Variants in EHBP1 observed in about 807,000 individuals in gnomAD.
EHBP1 encodes EH domain-binding protein 1.
EHBP1 carries 55 observed loss-of-function variants against 144.0 expected under a neutral mutation model. The observed-to-expected ratio is 0.38, with a 90% CI of 0.31 to 0.48. The LOEUF is 0.48. Ranked by LOEUF, EHBP1 falls within the 20% of genes least tolerant of loss-of-function variation. EHBP1 has a pLI of 0.98. For synonymous variants in EHBP1, 469 were observed against 472.7 expected (o/e 0.99, Z 0.10); for missense variants, 1,200 against 1,364.2 (o/e 0.88, Z 1.90).
At chr2:63,016,467 G>T (rs1301801334) in intron 19 of EHBP1, among the ~76,000 whole-genome samples, 1 of 151,938 alleles carries the variant, frequency 6.6e-6, no homozygotes, top group Non-Finnish European at 1.5e-5. Context: ...TCTCGTTCTT[G>T]TCGCCCAGGC....
At chr2:62,746,391 T>C (rs1486491935) in intron 2 of EHBP1, among the ~76,000 whole-genome samples, 1 of 151,108 alleles carries the variant, frequency 6.6e-6, no homozygotes, top group Admixed American at 6.6e-5. Context: ...TGTGTGTGTA[T>C]ATATATATAT....
chr2:62,915,016 T>TA (rs1307152158), intron 10 of EHBP1, among the ~76,000 whole-genome samples: 1 of 152,048 alleles, frequency 6.6e-6, no homozygotes, highest in Non-Finnish European at 1.5e-5. Context: ...TATTAATATA[T>TA]ATGTAAAATG....
intron 18 of EHBP1, 60 bp from the exon 19 acceptor site, chr2:62,996,583 A>G: frequency 6.2e-7 from 1 of 1,609,248 alleles, no homozygotes; most frequent in Non-Finnish European, 8.5e-7. Flanking sequence ...GTGTTTGTAG[A>G]AAGGAAAAAT....
chr2:62,884,744 A>T (rs776308995), intron 10 of EHBP1, among the ~76,000 whole-genome samples: 15 of 152,214 alleles, frequency 9.9e-5, no homozygotes, highest in Non-Finnish European at 1.8e-4. Context: ...GTAGTACAGG[A>T]CTTACTCATC....
At position 62,747,280 on chromosome 2, in the gene EHBP1, CAGT is replaced by C. The variant is rs200324464; in HGVS notation, c.105-112_105-110del. 7.3e-3 allele frequency: 5,749 copies of C among 788,332 alleles called. 32 individuals are homozygous for C. The highest frequency in any genetic ancestry group is 9.3e-3 in the Non-Finnish European group (4,541 of 487,210). 48.8% of individuals were successfully genotyped at this position (788,332 alleles called of 1,614,324 possible). A position where few individuals can be genotyped will look rare whatever the true frequency, so the allele number is the denominator to read the frequency against. ...TATATTTGATAGAGCTTTATTGTAA[CAGT>C]AGCTGCTTTATGTAGCCTAAAGCAG... On this transcript the variant is annotated intron_variant, in intron 2 of 22. Coordinates refer to ENST00000431489, the MANE Select transcript of EHBP1 (RefSeq NM_001142616.3).
intron 4 of EHBP1, 75 bp from the exon 5 acceptor site, chr2:62,771,264 T>G: frequency 9.5e-7 from 1 of 1,049,700 alleles, no homozygotes; most frequent in Non-Finnish European, 1.4e-6. Context: ...CAAGGCTATA[T>G]GTATTTTCTT....
rs183378506 is a variant in EHBP1 at position 62,693,131 on chromosome 2, G to A, written c.-295-13766G>A. ...TGTGCAGTTTGTCTTTCTATACCTG[G>A]TTTATTTCACTTAACATAATGACCT... On this transcript the variant is annotated intron_variant, in intron 1 of 22. Coordinates refer to the EHBP1 transcript ENST00000405015. 2.6e-5 allele frequency among the ~76,000 whole-genome samples: 4 copies of A among 152,014 alleles called. No individual in the cohort carries two copies. The East Asian group carries it at 7.7e-4, about 29-fold the overall frequency.
At chr2:62,895,321 G>A (rs1442241326) in intron 10 of EHBP1, among the ~76,000 whole-genome samples, 1 of 139,390 alleles carries the variant, frequency 7.2e-6, no homozygotes, top group Non-Finnish European at 1.6e-5. Flanking sequence ...CATCATCATC[G>A]CTGCAGAAGC....
chr2:62,944,143 C>G (rs2056930582), intron 12 of EHBP1, among the ~76,000 whole-genome samples: 1 of 152,124 alleles, frequency 6.6e-6, no homozygotes, highest in Non-Finnish European at 1.5e-5. Flanking sequence ...TTTAAAAATG[C>G]ACCCAAAACT....
At chr2:62,990,389 A>G (rs1427579131) in intron 15 of EHBP1, among the ~76,000 whole-genome samples, 1 of 152,176 alleles carries the variant, frequency 6.6e-6, no homozygotes, top group African/African-American at 2.4e-5. Flanking sequence ...GTTTGTTATA[A>G]CAGCTTGTTT....
chr2:62,770,488 T>C (rs1369898641), intron 4 of EHBP1, among the ~76,000 whole-genome samples: 1 of 152,204 alleles, frequency 6.6e-6, no homozygotes, highest in Non-Finnish European at 1.5e-5. Context: ...AGAGTGGCTA[T>C]TATTAAAAAG....
chr2:62,980,951 G>C (rs897163695), intron 15 of EHBP1, among the ~76,000 whole-genome samples: 2 of 146,872 alleles, frequency 1.4e-5, no homozygotes, highest in Admixed American at 6.8e-5. Flanking sequence ...CACACCTGCA[G>C]TCCCACCTAC....
In EHBP1 at chr2:62,969,005, G is replaced by A. The variant is rs1304825636; in HGVS notation, c.2461-10183G>A. Among the ~76,000 whole-genome samples, 7 of 152,270 alleles carry A rather than the reference G, an allele frequency of 4.6e-5. No individual in the cohort carries two copies. In the South Asian group the frequency reaches 1.0e-3, roughly 23 times the overall value. On this transcript the variant is annotated intron_variant, in intron 14 of 22. Transcript: ENST00000431489. ...ACACAAGGTGATACTTACTTAGTCA[G>A]CCATTCTTCTTTTATTCTTATAATT...
chr2:62,899,969 G>A (rs2053260926), intron 10 of EHBP1, among the ~76,000 whole-genome samples: 1 of 152,160 alleles, frequency 6.6e-6, no homozygotes, highest in African/African-American at 2.4e-5. Context: ...ACCATTCATT[G>A]TATCACATGT....
intron 10 of EHBP1, among the ~76,000 whole-genome samples, chr2:62,895,107 A>G (rs1020914984): frequency 6.6e-6 from 1 of 152,150 alleles, no homozygotes; most frequent in Non-Finnish European, 1.5e-5. Context: ...AGGCAGAATT[A>G]TAGGAACAGA....
intron 12 of EHBP1, among the ~76,000 whole-genome samples, 164 bp from the exon 13 acceptor site, chr2:62,948,096 C>G (rs2057168456): frequency 6.6e-6 from 1 of 152,088 alleles, no homozygotes; most frequent in Admixed American, 6.5e-5. Flanking sequence ...TCTTGCCTCT[C>G]CCCCCACTTT....
intron 3 of EHBP1, among the ~76,000 whole-genome samples, chr2:62,759,035 G>GT (rs1455668466): frequency 6.6e-6 from 1 of 152,120 alleles, no homozygotes; most frequent in Non-Finnish European, 1.5e-5. Context: ...CTAGGTACAC[G>GT]TTTTTTAGGT....
At chr2:63,030,789 C>CTTTTTTTTTT (rs1226186842) in intron 19 of EHBP1, among the ~76,000 whole-genome samples, 2 of 85,076 alleles carry the variant, frequency 2.4e-5, no homozygotes, top group Non-Finnish European at 4.4e-5. Context: ...GCACACCCAG[C>CTTTTTTTTTT]TTTTTTTTTT....
intron 19 of EHBP1, among the ~76,000 whole-genome samples, chr2:63,020,356 A>T (rs2060683930): frequency 6.7e-6 from 1 of 149,082 alleles, no homozygotes; most frequent in Non-Finnish European, 1.5e-5. Flanking sequence ...AGAAAACATT[A>T]GCTGGGTGTG....
Sources: allele counts gnomAD v4.1 joint callset (sites outside exome capture counted in the v4.1 genomes callset), GRCh38; gene constraint gnomAD v4.1.1; transcripts MANE v1.5; gene names NCBI Gene and HGNC (gene_info 2026-07-23, HGNC 2026-07-21).